Variants in B4GALNT3 observed in about 807,000 individuals in gnomAD.
The protein encoded by B4GALNT3 is beta-1,4-N-acetyl-galactosaminyltransferase 3.
A neutral mutation model predicts 120.2 loss-of-function variants in B4GALNT3; 86 were observed. That is an observed-to-expected ratio of 0.72 (90% CI 0.60 to 0.86). The LOEUF (loss-of-function observed/expected upper bound fraction) is 0.86, where lower values mean the gene tolerates loss of function less well. B4GALNT3 is among the 40% of genes least tolerant of loss of function. The probability of loss-of-function intolerance (pLI) is 0.00; values close to 1 mark genes in which losing one functional copy is unlikely to be tolerated. For synonymous variants in B4GALNT3, 518 were observed against 510.4 expected (o/e 1.01, Z -0.20); for missense variants, 1,167 against 1,298.9 (o/e 0.90, Z 1.56).
At position 550,137 on chromosome 12, in the gene B4GALNT3, G is replaced by A. The variant is rs1303514114; in HGVS notation, c.997+225G>A. Among the ~76,000 whole-genome samples the A allele has an allele frequency of 2.0e-5, 3 of 152,138 alleles. No individual in the cohort carries two copies. Among genetic ancestry groups the A allele is most frequent in the Non-Finnish European group, 4.4e-5 (3 of 68,034 alleles). ...TTCTGCATATCATTACAGAGTGAACGTTTGTGGAACCACCACCCACAACAA... is the reference window on the plus strand; with the variant it reads ...TTCTGCATATCATTACAGAGTGAACATTTGTGGAACCACCACCCACAACAA... On this transcript the variant is annotated intron_variant, in intron 10 of 19. Coordinates refer to ENST00000266383, the MANE Select transcript of B4GALNT3 (RefSeq NM_173593.4). This position sits in a 1 kb window ranked among gnomAD's most constrained non-coding sequence, Gnocchi z 4.1.
rs149579057 is a variant in B4GALNT3, at chr12:559,468, C to T, written c.2888+47C>T. On this transcript the variant is annotated intron_variant, in intron 19 of 19. Coordinates refer to ENST00000266383, the MANE Select transcript of B4GALNT3 (RefSeq NM_173593.4). ...TCCACGAGGCCTGGGAATTCCATGGCGCTCCAGGCAGGGAGCCAGGCTACA... is the reference window on the plus strand; with the variant it reads ...TCCACGAGGCCTGGGAATTCCATGGTGCTCCAGGCAGGGAGCCAGGCTACA... The T allele has an allele frequency of 2.7e-4, 426 of 1,605,544 alleles. No individual in the cohort carries two copies. The East Asian group carries it at 4.6e-3, about 17-fold the overall frequency.
intron 1 of B4GALNT3, among the ~76,000 whole-genome samples, chr12:463,287 C>CT (rs368854877): frequency 1.2e-3 from 176 of 152,314 alleles, no homozygotes; most frequent in African/African-American, 4.1e-3. Flanking sequence ...ATATTTCCTT[C>CT]TTTATCTTCG....
chr12:546,154 GA>G (rs1302802894), intron 6 of B4GALNT3, among the ~76,000 whole-genome samples: 105 of 140,270 alleles, frequency 7.5e-4, no homozygotes, highest in African/African-American at 2.7e-3. Context: ...GAGGGAAGAG[GA>G]GGGGGGAATG....
intron 1 of B4GALNT3, among the ~76,000 whole-genome samples, chr12:485,683 C>T (rs191776253): frequency 5.1e-4 from 77 of 152,254 alleles, no homozygotes; most frequent in Admixed American, 1.8e-3. Flanking sequence ...TCGACACTCA[C>T]GGAACTGTTC....
intron 1 of B4GALNT3, among the ~76,000 whole-genome samples, chr12:527,080 T>TTTTG (rs1946764869): frequency 6.6e-6 from 1 of 151,950 alleles, no homozygotes; most frequent in Non-Finnish European, 1.5e-5. Context: ...CCCAGCTAGT[T>TTTTG]TTTTGTTTTG....
intron 1 of B4GALNT3, among the ~76,000 whole-genome samples, chr12:523,287 CTTCA>C (rs1240409166): frequency 6.6e-6 from 1 of 152,180 alleles, no homozygotes; most frequent in African/African-American, 2.4e-5. Flanking sequence ...CTTGTCCTTC[CTTCA>C]TTCATTCATT....
intron 1 of B4GALNT3, among the ~76,000 whole-genome samples, chr12:531,976 T>TAAA (rs66894536): frequency 4.9e-4 from 73 of 149,574 alleles, no homozygotes; most frequent in South Asian, 4.4e-3. Context: ...TATTTTTCTT[T>TAAA]AAAAAAAAAA....
At position 557,706 on chromosome 12, in the gene B4GALNT3, T is replaced by C. The variant is rs1240807526; in HGVS notation, c.2479T>C (p.Tyr827His). ...DPHFNIVITD[Y>H]SSEDMDVEMA... is the part of the protein sequence containing the mutation. ...ACACTTCAACATCGTCATCACTGAC[T>C]ATAGCAGTGAGGACATGGATGTTGA... Residue 827 changes from tyrosine to histidine, a missense_variant, in exon 16 of 20, where the codon TAT becomes CAT. Around this residue, in one of 3 missense-constraint regions of B4GALNT3, gnomAD observed 983 missense variants for 1,102.5 expected, o/e 0.89. Coordinates refer to ENST00000266383, the MANE Select transcript of B4GALNT3 (RefSeq NM_173593.4). 6.2e-7 allele frequency: 1 copy of C among 1,606,960 alleles called. No individual in the cohort carries two copies. Among genetic ancestry groups the C allele is most frequent in the African/African-American group, 1.3e-5 (1 of 74,534 alleles).
At chr12:472,624 A>G (rs1946147558) in intron 1 of B4GALNT3, among the ~76,000 whole-genome samples, 1 of 152,170 alleles carries the variant, frequency 6.6e-6, no homozygotes, top group African/African-American at 2.4e-5. Flanking sequence ...TTTTTAGTAG[A>G]GGCGGGGTCT....
chr12:517,818 C>T (rs1195502194), intron 1 of B4GALNT3, among the ~76,000 whole-genome samples: 1 of 152,204 alleles, frequency 6.6e-6, no homozygotes, highest in Non-Finnish European at 1.5e-5. Flanking sequence ...CATGCATTAG[C>T]GGCCGTGGCA....
chr12:509,650 T>G (rs926569265), intron 1 of B4GALNT3, among the ~76,000 whole-genome samples: 1 of 152,140 alleles, frequency 6.6e-6, no homozygotes, highest in African/African-American at 2.4e-5. Context: ...GCGGTTCCAC[T>G]CCAGGACAGG....
At chr12:549,698 C>A in intron 9 of B4GALNT3, 71 bp from the exon 10 acceptor site, 1 of 1,586,308 alleles carries the variant, frequency 6.3e-7, no homozygotes, top group Non-Finnish European at 8.6e-7. Context: ...CTCTTCCCTC[C>A]CCTTCAAGGG....
intron 1 of B4GALNT3, among the ~76,000 whole-genome samples, chr12:472,728 C>T (rs540555323): frequency 2.6e-4 from 40 of 152,302 alleles, no homozygotes; most frequent in African/African-American, 9.4e-4. Context: ...TGAGCCACCG[C>T]GCCCGACCTA....
At chr12:552,885 G>A (rs867300124) in intron 13 of B4GALNT3, 20 of 497,522 alleles carry the variant, frequency 4.0e-5, no homozygotes, top group Admixed American at 1.8e-4. Context: ...GGATTAGGGC[G>A]TGGCTGGGAC....
In B4GALNT3 at chr12:553,359, T is replaced by C; in HGVS notation, c.1436T>C (p.Leu479Pro). ...DYRLRSLRKL[L>P]AQPREGLLAP... is the part of the protein sequence containing the mutation. ...CGCCTCCGAAGCCTGCGGAAACTCC[T>C]GGCTCAGCCCCGGGAGGGCCTGCTG... The change falls in exon 14 of 20, where the codon CTG (leucine) becomes CCG (proline). Residue 479 changes from leucine to proline, a missense_variant. Physicochemically the swap from Leu to Pro is moderately conservative, Grantham distance 98. Transcript: ENST00000266383. 1 of 1,613,808 alleles carries C rather than the reference T, an allele frequency of 6.2e-7. No homozygotes were observed. The highest frequency in any genetic ancestry group is 1.1e-5 in the South Asian group (1 of 91,088).
intron 1 of B4GALNT3, among the ~76,000 whole-genome samples, chr12:467,166 G>T (rs1946089658): frequency 6.6e-6 from 1 of 152,112 alleles, no homozygotes; most frequent in Admixed American, 6.5e-5. Flanking sequence ...AGAGTGCAGT[G>T]GTGTGATCTT....
At chr12:472,189 G>T (rs979957009) in intron 1 of B4GALNT3, among the ~76,000 whole-genome samples, 7 of 152,216 alleles carry the variant, frequency 4.6e-5, no homozygotes, top group Admixed American at 6.5e-5. Flanking sequence ...AGATGAAATG[G>T]TAGTTGCAAC....
At chr12:512,453 T>TCCACCTTCCACCTTCCGC (rs1318258822) in intron 1 of B4GALNT3, among the ~76,000 whole-genome samples, 10 of 133,312 alleles carry the variant, frequency 7.5e-5, no homozygotes, top group Non-Finnish European at 1.4e-4. Context: ...CCTTCCACCT[T>TCCACCTTCCACCTTCCGC]CCACCTTCCA....
chr12:491,480 C>T (rs184960199), intron 1 of B4GALNT3, among the ~76,000 whole-genome samples: 1 of 151,862 alleles, frequency 6.6e-6, no homozygotes, highest in Non-Finnish European at 1.5e-5. Context: ...CAGGCGTGCA[C>T]CATCATGCCC....
Sources: gnomAD v4.1 joint callset for allele counts (sites outside exome capture counted in the v4.1 genomes callset) on GRCh38, gnomAD v4.1.1 for gene constraint, gnomAD v4.1.1 regional missense constraint, Gnocchi (gnomAD v3.1) non-coding constraint, MANE v1.5 for transcripts, NCBI Gene and HGNC (gene_info 2026-07-23, HGNC 2026-07-21) for gene names.